The following PKN2 variants were observed in gnomAD, a reference collection of about 807,000 sequenced individuals.
PKN2 encodes the protein serine/threonine-protein kinase N2.
Under a neutral mutation model 119.1 loss-of-function variants are expected in PKN2, and 38 were observed. The observed-to-expected ratio is 0.32, with a 90% CI of 0.25 to 0.42. The LOEUF is 0.42. Among genes scored for constraint, PKN2 ranks in the 10% least tolerant of loss-of-function variants. The pLI is 1.00. For missense variants in PKN2, 850 were observed against 1,165.1 expected, an observed-to-expected ratio of 0.73 and a Z score of 3.94; for synonymous variants, 390 against 384.9, an observed-to-expected ratio of 1.01 and a Z score of -0.15.
intron 1 of PKN2, among the ~76,000 whole-genome samples, chr1:88,698,376 G>A (rs191007356): frequency 6.6e-6 from 1 of 152,180 alleles, no homozygotes; most frequent in Non-Finnish European, 1.5e-5. Context: ...CATAAACAAT[G>A]TCCTCAACAA....
Position 88,684,404 on chromosome 1 carries a change from C to G in PKN2, c.-177C>G, listed in dbSNP as rs1427263254. ...GAGTGCCCTAGCTCCCCGCCGCTCT[C>G]GATGAACCGGACGGAATAAGCCGCG... On this transcript the variant is annotated 5_prime_UTR_variant, in exon 1 of 22. Transcript: ENST00000370521. The G allele has an allele frequency of 3.6e-6, 2 of 550,218 alleles. No homozygotes were observed. The allele number at this position is 550,218 out of a possible 1,614,324, so 34.1% of individuals were successfully genotyped here. A position where few individuals can be genotyped will look rare whatever the true frequency, so the allele number is the denominator to read the frequency against.
chr1:88,757,651 T>G (rs1669258155), intron 2 of PKN2, among the ~76,000 whole-genome samples: 1 of 147,372 alleles, frequency 6.8e-6, no homozygotes, highest in African/African-American at 2.7e-5. Flanking sequence ...ACCAGGGTAG[T>G]ACCCTAGTCT....
At chr1:88,749,402 T>TC (rs769476024) in intron 2 of PKN2, among the ~76,000 whole-genome samples, 771 of 70,556 alleles carry the variant, frequency 0.011, 5 homozygotes, top group Admixed American at 0.04. Context: ...AGACTCCGTC[T>TC]CAAAAAAAAA....
intron 8 of PKN2, among the ~76,000 whole-genome samples, chr1:88,792,100 A>G (rs958194404): frequency 5.9e-5 from 9 of 152,092 alleles, no homozygotes; most frequent in African/African-American, 2.2e-4. Flanking sequence ...TCCAGATTCC[A>G]CCGCTGTTAA....
chr1:88,775,399 T>C (rs1463576151), intron 6 of PKN2, among the ~76,000 whole-genome samples: 4 of 152,252 alleles, frequency 2.6e-5, no homozygotes, highest in South Asian at 4.1e-4. Flanking sequence ...CTTAGTAATA[T>C]GCATTTAAGT....
In PKN2 at chr1:88,821,938, C is replaced by A; in HGVS notation, c.2280-3C>A. 1 of 1,567,738 alleles carries A rather than the reference C, an allele frequency of 6.4e-7. No homozygotes were observed. The highest frequency in any genetic ancestry group is 8.6e-7 in the Non-Finnish European group (1 of 1,162,210). Reference sequence around the variant, plus strand: ...ACTCCTGTTGATTTAATTCTTCAAACAGATTTTATGCTGCTTGTGTAGTTC... The same window carrying A: ...ACTCCTGTTGATTTAATTCTTCAAAAAGATTTTATGCTGCTTGTGTAGTTC... On this transcript the variant is annotated splice_polypyrimidine_tract_variant and splice_region_variant and intron_variant, in intron 16 of 21. Coordinates refer to ENST00000370521, the MANE Select transcript of PKN2 (RefSeq NM_006256.4).
At chr1:88,832,671 T>G in intron 19 of PKN2, 73 bp from the exon 20 acceptor site, 1 of 748,304 alleles carries the variant, frequency 1.3e-6, no homozygotes. Flanking sequence ...GGATCTTGGT[T>G]GTACTTTGAA....
At chr1:88,695,413 T>C (rs560182438) in intron 1 of PKN2, among the ~76,000 whole-genome samples, 2 of 152,266 alleles carry the variant, frequency 1.3e-5, no homozygotes, top group South Asian at 4.1e-4. Flanking sequence ...ACTTTTTCCT[T>C]ATTATATCAA....
chr1:88,807,898 GTATC>G (rs1671615515), intron 15 of PKN2, 123 bp downstream of exon 15: 1 of 608,108 alleles, frequency 1.6e-6, no homozygotes, highest in Non-Finnish European at 2.9e-6. Flanking sequence ...TAAATATAAT[GTATC>G]TATATTTGAC....
At chr1:88,785,875 AAAGAG>A (rs1373210956) in intron 7 of PKN2, among the ~76,000 whole-genome samples, 1 of 152,232 alleles carries the variant, frequency 6.6e-6, no homozygotes, top group African/African-American at 2.4e-5. Flanking sequence ...AATGTAAACA[AAAGAG>A]ATAGCAGTCA....
chr1:88,827,575 G>C (rs1672548903), intron 18 of PKN2, among the ~76,000 whole-genome samples: 1 of 151,188 alleles, frequency 6.6e-6, no homozygotes, highest in African/African-American at 2.4e-5. Flanking sequence ...TTGGATTTTT[G>C]GATTAGGGAT....
intron 15 of PKN2, among the ~76,000 whole-genome samples, chr1:88,812,703 T>A (rs1008355616): frequency 6.6e-6 from 1 of 152,048 alleles, no homozygotes; most frequent in African/African-American, 2.4e-5. Context: ...ATCACTGCAC[T>A]CCAGCTCCTG....
At chr1:88,775,598 G>A (rs1443975027) in intron 6 of PKN2, among the ~76,000 whole-genome samples, 2 of 151,974 alleles carry the variant, frequency 1.3e-5, no homozygotes, top group Non-Finnish European at 2.9e-5. Context: ...TATTTTCTTA[G>A]TGATTACCCC....
At chr1:88,691,095 G>T (rs931228136) in intron 1 of PKN2, among the ~76,000 whole-genome samples, 1 of 152,004 alleles carries the variant, frequency 6.6e-6, no homozygotes, top group African/African-American at 2.4e-5. Flanking sequence ...ACAGGATCTC[G>T]TTCTGTCACC....
chr1:88,718,298 G>A (rs1445165239), intron 1 of PKN2, among the ~76,000 whole-genome samples: 3 of 152,326 alleles, frequency 2.0e-5, no homozygotes, highest in Non-Finnish European at 4.4e-5. Context: ...GAGGCAGTCT[G>A]TCCGTTCTCA....
At chr1:88,727,248 T>C (rs1220803584) in intron 1 of PKN2, among the ~76,000 whole-genome samples, 1 of 152,146 alleles carries the variant, frequency 6.6e-6, no homozygotes, top group African/African-American at 2.4e-5. Flanking sequence ...TTTTTATTAA[T>C]GTTTATATGG....
chr1:88,748,812 G>A (rs1668875073), intron 2 of PKN2, among the ~76,000 whole-genome samples: 1 of 152,058 alleles, frequency 6.6e-6, no homozygotes, highest in Admixed American at 6.6e-5. Context: ...GTGTGCACCT[G>A]TAATCCCAGC....
At chr1:88,823,568 G>A (rs1672377314) in intron 17 of PKN2, among the ~76,000 whole-genome samples, 1 of 151,760 alleles carries the variant, frequency 6.6e-6, no homozygotes, top group Non-Finnish European at 1.5e-5. Flanking sequence ...GCCAGGCTTG[G>A]TGGTGGGCAC....
chr1:88,688,584 T>C (rs748844453), intron 1 of PKN2, among the ~76,000 whole-genome samples: 4 of 152,216 alleles, frequency 2.6e-5, no homozygotes, highest in African/African-American at 4.8e-5. Flanking sequence ...TTTAGCAGTG[T>C]TTTATTATTG....
Sources: gnomAD v4.1 joint callset for allele counts (sites outside exome capture counted in the v4.1 genomes callset) on GRCh38, gnomAD v4.1.1 for gene constraint, MANE v1.5 for transcripts, NCBI Gene and HGNC (gene_info 2026-07-23, HGNC 2026-07-21) for gene names.